ST3GAL2: variants seen among roughly 807,000 people sequenced by gnomAD.
The protein encoded by ST3GAL2 is ST3 beta-galactoside alpha-2,3-sialyltransferase 2.
A neutral mutation model predicts 37.5 loss-of-function variants in ST3GAL2; 16 were observed. The observed-to-expected ratio is 0.43, with a 90% confidence interval of 0.29 to 0.65. ST3GAL2 has a LOEUF of 0.65. Among genes scored for constraint, ST3GAL2 ranks in the 30% least tolerant of loss-of-function variants. The pLI is 0.17. For missense variants in ST3GAL2, 383 were observed against 487.8 expected, an observed-to-expected ratio of 0.79 and a Z score of 2.02; for synonymous variants, 238 against 202.9, an observed-to-expected ratio of 1.17 and a Z score of -1.47.
intron 1 of ST3GAL2, among the ~76,000 whole-genome samples, chr16:70,419,471 A>T (rs548627272): frequency 7.2e-5 from 11 of 152,332 alleles, no homozygotes; most frequent in African/African-American, 2.6e-4. Flanking sequence ...GCTGCAAGAC[A>T]GTCTGTGGAG....
rs961419231 is a variant in ST3GAL2, at chr16:70,376,577, T to G, written c.*5112A>C. The stretch of plus-strand genomic sequence containing the variant: ...TAGACTTGCTGCAGGAGCTGTGATT[T>G]TTTTCACAAAAGTAGTGAGAAGGGG... On this transcript the variant is annotated 3_prime_UTR_variant, in exon 7 of 7. Transcript: ENST00000342907. 2 of 152,148 alleles carry G rather than the reference T, an allele frequency of 1.3e-5. No individual in the cohort carries two copies. The highest frequency in any genetic ancestry group is 4.8e-5 in the African/African-American group (2 of 41,440). 9.4% of individuals were successfully genotyped at this position (152,148 alleles called of 1,614,324 possible).
At chr16:70,418,917 G>C (rs1024002447) in intron 1 of ST3GAL2, among the ~76,000 whole-genome samples, 2 of 152,122 alleles carry the variant, frequency 1.3e-5, no homozygotes, top group Non-Finnish European at 2.9e-5. Context: ...AGGCTTCCTG[G>C]AACAACCCCG....
intron 1 of ST3GAL2, among the ~76,000 whole-genome samples, chr16:70,413,756 A>C (rs1597570328): frequency 1.0e-5 from 1 of 97,908 alleles, no homozygotes; most frequent in African/African-American, 5.3e-5. Context: ...AATAATAAAT[A>C]AATAAATAAA....
intron 1 of ST3GAL2, among the ~76,000 whole-genome samples, chr16:70,403,629 TGGCGAAACCCCATCTCTA>T (rs1567670989): frequency 6.6e-6 from 1 of 152,154 alleles, no homozygotes; most frequent in African/African-American, 2.4e-5. Flanking sequence ...CTGGCCAACA[TGGCGAAACCCCATCTCTA>T]CTAAAAATAC....
chr16:70,438,180 G>A (rs2047839324), intron 1 of ST3GAL2, among the ~76,000 whole-genome samples: 1 of 152,228 alleles, frequency 6.6e-6, no homozygotes, highest in South Asian at 2.1e-4. Context: ...GCGAAGGAGG[G>A]AAGGCCAACA....
chr16:70,410,411 C>T (rs71401806), intron 1 of ST3GAL2, among the ~76,000 whole-genome samples: 12,715 of 151,102 alleles, frequency 0.084, 707 homozygotes, highest in South Asian at 0.18. Flanking sequence ...CCACCATGCC[C>T]GGCTAATTTT....
intron 3 of ST3GAL2, among the ~76,000 whole-genome samples, chr16:70,389,932 G>A (rs535857483): frequency 1.5e-3 from 226 of 148,784 alleles, no homozygotes; most frequent in Middle Eastern, 0.011. Flanking sequence ...GACTACAGGC[G>A]CCCGCCATCA....
intron 1 of ST3GAL2, among the ~76,000 whole-genome samples, chr16:70,416,946 G>A (rs546127615): frequency 6.6e-6 from 1 of 152,348 alleles, no homozygotes; most frequent in Admixed American, 6.5e-5. Flanking sequence ...GCAAGCTGCA[G>A]TCCTCCCAGC....
At chr16:70,389,535 C>A (rs2047468153) in intron 3 of ST3GAL2, among the ~76,000 whole-genome samples, 1 of 151,340 alleles carries the variant, frequency 6.6e-6, no homozygotes, top group African/African-American at 2.4e-5. Context: ...TGCAATCTCA[C>A]CTCACTGCAA....
Position 70,376,977 on chromosome 16 carries a change from G to C in ST3GAL2, c.*4712C>G, listed in dbSNP as rs2047352469. On this transcript the variant is annotated 3_prime_UTR_variant, in exon 7 of 7. Transcript: ENST00000342907. ...AGGCTGGTCTTGAACTCCTGACCTC[G>C]TGATTCACCTGCCTCAGCCTCCCAA... 6.6e-6 allele frequency: 1 copy of C among 151,452 alleles called. No individual in the cohort carries two copies. Among genetic ancestry groups the C allele is most frequent in the Admixed American group, 6.6e-5 (1 of 15,134 alleles). 9.4% of individuals were successfully genotyped at this position (151,452 alleles called of 1,614,324 possible).
intron 1 of ST3GAL2, among the ~76,000 whole-genome samples, chr16:70,402,347 A>G (rs998570994): frequency 1.3e-5 from 2 of 152,076 alleles, no homozygotes; most frequent in Non-Finnish European, 2.9e-5. Flanking sequence ...CCATATAGTA[A>G]AATGAATGAA....
intron 1 of ST3GAL2, among the ~76,000 whole-genome samples, chr16:70,418,761 T>C (rs2151673383): frequency 6.6e-6 from 1 of 152,224 alleles, no homozygotes; most frequent in East Asian, 1.9e-4. Context: ...GAAGAGAACC[T>C]CTGTGCACTC....
chr16:70,438,066 G>A (rs545333934), intron 1 of ST3GAL2, among the ~76,000 whole-genome samples: 1 of 152,340 alleles, frequency 6.6e-6, no homozygotes, highest in East Asian at 1.9e-4. Flanking sequence ...ATGGGAGACG[G>A]GAGATGGATG....
chr16:70,398,711 G>A lies in ST3GAL2; in HGVS notation c.-181C>T, dbSNP rs751515721. The A allele has an allele frequency of 2.0e-4, 130 of 637,748 alleles. 2 individuals are homozygous for A. Among genetic ancestry groups the A allele is most frequent in the South Asian group, 1.6e-3 (83 of 51,072 alleles). The allele number at this position is 637,748 out of a possible 1,614,324, so 39.5% of individuals were successfully genotyped here. A position where few individuals can be genotyped will look rare whatever the true frequency, so the allele number is the denominator to read the frequency against. On this transcript the variant is annotated 5_prime_UTR_variant, in exon 2 of 7. It adds an upstream start codon to the 5' untranslated region. Coordinates refer to ENST00000342907, the MANE Select transcript of ST3GAL2 (RefSeq NM_006927.4). ...CCTCCCTCATGTAGGGAGAACACAC[G>A]TTGGCAGGAGTGGCTGTCCTGTCCC...
At chr16:70,386,036 G>T (rs1338183998) in intron 4 of ST3GAL2, among the ~76,000 whole-genome samples, 1 of 151,668 alleles carries the variant, frequency 6.6e-6, no homozygotes, top group African/African-American at 2.4e-5. Context: ...GTTTTGTTTT[G>T]TTTTTTTGAG....
At chr16:70,408,118 C>T (rs984326673) in intron 1 of ST3GAL2, among the ~76,000 whole-genome samples, 2 of 152,098 alleles carry the variant, frequency 1.3e-5, no homozygotes, top group African/African-American at 2.4e-5. Flanking sequence ...TGAGCATTTT[C>T]GGGGGATAGC....
intron 6 of ST3GAL2, among the ~76,000 whole-genome samples, chr16:70,382,440 G>A (rs1203037085): frequency 6.6e-6 from 1 of 151,922 alleles, no homozygotes; most frequent in African/African-American, 2.4e-5. Flanking sequence ...GCCCCAACAC[G>A]CCTGGCTAAT....
At chr16:70,408,143 G>C (rs1280881005) in intron 1 of ST3GAL2, among the ~76,000 whole-genome samples, 1 of 152,120 alleles carries the variant, frequency 6.6e-6, no homozygotes, top group African/African-American at 2.4e-5. Flanking sequence ...CATTTAGTAT[G>C]CGCAGGAGTC....
At chr16:70,425,866 G>T (rs1365537373) in intron 1 of ST3GAL2, among the ~76,000 whole-genome samples, 3 of 152,228 alleles carry the variant, frequency 2.0e-5, no homozygotes, top group Admixed American at 6.5e-5. Context: ...AGGGATTCCT[G>T]GCAGTGGCTC....
Sources: allele counts gnomAD v4.1 joint callset (sites outside exome capture counted in the v4.1 genomes callset), GRCh38; gene constraint gnomAD v4.1.1; transcripts MANE v1.5; gene names NCBI Gene and HGNC (gene_info 2026-07-23, HGNC 2026-07-21).